Variants in PAK1 observed in about 807,000 individuals in gnomAD.
PAK1 encodes p21 (RAC1) activated kinase 1.
PAK1 carries 29 observed loss-of-function variants against 67.4 expected under a neutral mutation model. That is an observed-to-expected ratio of 0.43 (90% CI 0.32 to 0.59). PAK1 has a LOEUF of 0.59. Among genes scored for constraint, PAK1 ranks in the 20% least tolerant of loss-of-function variants. The pLI, the probability that PAK1 is intolerant of heterozygous loss-of-function variation, is 0.07. For missense variants in PAK1, 337 were observed against 670.7 expected, an observed-to-expected ratio of 0.50 and a Z score of 5.50; for synonymous variants, 223 against 237.4, an observed-to-expected ratio of 0.94 and a Z score of 0.56.
chr11:77,405,867 T>A (rs1159560164), intron 1 of PAK1, among the ~76,000 whole-genome samples: 1 of 152,186 alleles, frequency 6.6e-6, no homozygotes, highest in African/African-American at 2.4e-5. Flanking sequence ...AAAAGCAGTC[T>A]TGTCAAGATT....
intron 1 of PAK1, among the ~76,000 whole-genome samples, chr11:77,420,003 G>A (rs1374314299): frequency 6.6e-6 from 1 of 152,216 alleles, no homozygotes; most frequent in African/African-American, 2.4e-5. Flanking sequence ...AATCTATTTA[G>A]TGGCAGTCAG....
intron 1 of PAK1, among the ~76,000 whole-genome samples, chr11:77,431,675 G>A (rs1384664090): frequency 1.3e-5 from 2 of 152,132 alleles, no homozygotes; most frequent in African/African-American, 4.8e-5. Flanking sequence ...CATCTTTCTA[G>A]CTACTTGGAG....
chr11:77,524,110 T>G, the PAK1 span, among the ~76,000 whole-genome samples: 1 of 152,204 alleles, frequency 6.6e-6, no homozygotes, highest in Non-Finnish European at 1.5e-5. Context: ...TAAACGCATA[T>G]TATTTATGTA....
At position 77,365,270 on chromosome 11, in the gene PAK1, A is replaced by AAAAAAG. The variant is rs1565620653; in HGVS notation, c.478-6259_478-6254dup. Reference sequence around the variant, plus strand: ...CTGTCTCAAAAAAAAAAAAAAAAAGAAAAAAGAAAAAAGAAAATGGACCCA... The same window carrying AAAAAAG: ...CTGTCTCAAAAAAAAAAAAAAAAAGAAAAAAGAAAAAGAAAAAAGAAAATGGACCCA... On this transcript the variant is annotated intron_variant, in intron 5 of 14. Coordinates refer to ENST00000356341, the MANE Select transcript of PAK1 (RefSeq NM_002576.5). Among the ~76,000 whole-genome samples, 1,020 of 109,290 alleles carry AAAAAAG rather than the reference A, an allele frequency of 9.3e-3. 16 individuals are homozygous for AAAAAAG. The highest frequency in any genetic ancestry group is 0.011 in the Non-Finnish European group (578 of 51,704). The allele number at this position is 109,290 out of a possible 152,430, so 71.7% of individuals were successfully genotyped here.
At chr11:77,509,748 C>T in the PAK1 span, among the ~76,000 whole-genome samples, 1 of 152,154 alleles carries the variant, frequency 6.6e-6, no homozygotes, top group Non-Finnish European at 1.5e-5. Flanking sequence ...TCCCACCACA[C>T]TCACTCTTAC....
the PAK1 span, among the ~76,000 whole-genome samples, chr11:77,487,934 G>A: frequency 1.3e-5 from 2 of 152,188 alleles, no homozygotes; most frequent in African/African-American, 4.8e-5. Context: ...AACATAGGAA[G>A]TACCAGGCAG....
At chr11:77,325,522 C>T in intron 14 of PAK1, 4 of 810,674 alleles carry the variant, frequency 4.9e-6, no homozygotes, top group Non-Finnish European at 7.4e-6. Context: ...AGTTATATTA[C>T]TATATCAGGA....
At chr11:77,465,083 C>T (rs1957536873) in intron 1 of PAK1, among the ~76,000 whole-genome samples, 1 of 151,816 alleles carries the variant, frequency 6.6e-6, no homozygotes, top group Non-Finnish European at 1.5e-5. Flanking sequence ...GGAACCTTTA[C>T]CACATAGTCA....
intron 1 of PAK1, among the ~76,000 whole-genome samples, chr11:77,427,970 TA>T (rs1955642100): frequency 6.6e-6 from 1 of 151,728 alleles, no homozygotes. Flanking sequence ...GCCAGAGGAG[TA>T]AATGTACTGG....
intron 1 of PAK1, among the ~76,000 whole-genome samples, chr11:77,428,544 C>A (rs1955679013): frequency 6.6e-6 from 1 of 151,088 alleles, no homozygotes; most frequent in Non-Finnish European, 1.5e-5. Context: ...TGCACTCCAG[C>A]CTGGGCGACA....
At chr11:77,351,144 T>C (rs1945184695) in intron 8 of PAK1, among the ~76,000 whole-genome samples, 2 of 152,158 alleles carry the variant, frequency 1.3e-5, no homozygotes, top group Admixed American at 6.6e-5. Flanking sequence ...ATTCATCATA[T>C]TGGTGTGACA....
intron 1 of PAK1, among the ~76,000 whole-genome samples, chr11:77,461,233 A>C (rs1390150929): frequency 6.6e-6 from 1 of 152,228 alleles, no homozygotes; most frequent in Non-Finnish European, 1.5e-5. Flanking sequence ...ATAGGAAAAG[A>C]AAAACCTAAA....
chr11:77,508,996 C>T, the PAK1 span, among the ~76,000 whole-genome samples: 2 of 135,384 alleles, frequency 1.5e-5, no homozygotes, highest in South Asian at 2.8e-4. Flanking sequence ...TCTGGCCGGG[C>T]GCGGTGGCTC....
intron 1 of PAK1, among the ~76,000 whole-genome samples, chr11:77,405,670 G>GAGACACACACACAC (rs1177577797): frequency 5.6e-5 from 7 of 125,582 alleles, no homozygotes; most frequent in African/African-American, 2.3e-4. Context: ...CAGACAGACA[G>GAGACACACACACAC]ACAGACACAC....
rs191724077 is a variant in PAK1 at position 77,349,707 on chromosome 11, C to T, written c.837-420G>A. On this transcript the variant is annotated intron_variant, in intron 8 of 14. Coordinates refer to ENST00000356341, the MANE Select transcript of PAK1 (RefSeq NM_002576.5). ...ATTTCCTGTTCCTGCTTGCTTCTCT[C>T]CTCTCCTCCATCACCCTTGGCACGT... Among the ~76,000 whole-genome samples the T allele has an allele frequency of 5.3e-4, 80 of 152,244 alleles. No homozygotes were observed. In the South Asian group the frequency reaches 0.013, roughly 24 times the overall value.
At chr11:77,378,790 G>A (rs982328210) in intron 4 of PAK1, among the ~76,000 whole-genome samples, 12 of 152,098 alleles carry the variant, frequency 7.9e-5, no homozygotes, top group Admixed American at 3.3e-4. Context: ...GTTTTGCCAC[G>A]TTGCCCAGAC....
intron 5 of PAK1, among the ~76,000 whole-genome samples, chr11:77,372,737 C>T (rs972840205): frequency 7.2e-5 from 11 of 152,176 alleles, no homozygotes; most frequent in African/African-American, 2.2e-4. Flanking sequence ...ATAACCACTT[C>T]GCAGTTCCCT....
chr11:77,433,899 CA>C (rs1165268136), intron 1 of PAK1, among the ~76,000 whole-genome samples: 1 of 152,166 alleles, frequency 6.6e-6, no homozygotes, highest in Non-Finnish European at 1.5e-5. Flanking sequence ...TACTCAAAAT[CA>C]TTAGTCTTTA....
chr11:77,350,750 C>T (rs1945128428), intron 8 of PAK1, among the ~76,000 whole-genome samples: 1 of 152,246 alleles, frequency 6.6e-6, no homozygotes, highest in Middle Eastern at 3.4e-3. Context: ...TTAGTTGGGA[C>T]CCTAGCTACA....
Sources: allele counts gnomAD v4.1 joint callset (sites outside exome capture counted in the v4.1 genomes callset), GRCh38; gene constraint gnomAD v4.1.1; transcripts MANE v1.5; gene names NCBI Gene and HGNC (gene_info 2026-07-23, HGNC 2026-07-21).